The following TCF4 variants were observed in gnomAD, a reference collection of about 807,000 sequenced individuals.
TCF4 encodes transcription factor 4.
Under a neutral mutation model 82.1 loss-of-function variants are expected in TCF4, and 3 were observed. The ratio of observed to expected loss-of-function variants is 0.04; its 90% CI spans 0.02 to 0.09. TCF4 has a LOEUF of 0.09. Among genes scored for constraint, TCF4 ranks in the 10% least tolerant of loss-of-function variants. The probability of loss-of-function intolerance (pLI) is 1.00; values close to 1 mark genes in which losing one functional copy is unlikely to be tolerated. For synonymous variants in TCF4, 276 were observed against 309.6 expected, an observed-to-expected ratio of 0.89 and a Z score of 1.14; for missense variants, 518 against 852.7, an observed-to-expected ratio of 0.61 and a Z score of 4.89.
At chr18:55,489,323 TC>T (rs2096551068) in intron 3 of TCF4, among the ~76,000 whole-genome samples, 1 of 152,126 alleles carries the variant, frequency 6.6e-6, no homozygotes, top group South Asian at 2.1e-4. Context: ...CCCCTTGACC[TC>T]CCCACATACT....
Position 55,228,709 on chromosome 18 carries a change from G to C in TCF4, c.1879+138C>G. On this transcript the variant is annotated intron_variant, in intron 18 of 19. Transcript: ENST00000354452. ...ATGCTGCCTTATGGATTTAGACACA[G>C]TCTGCAATGGAAACAATTCTTTGGA... 3 of 918,896 alleles carry C rather than the reference G, an allele frequency of 3.3e-6. No homozygotes were observed. The South Asian group carries it at 4.3e-5, about 13-fold the overall frequency. The allele number at this position is 918,896 out of a possible 1,614,324, so 56.9% of individuals were successfully genotyped here.
At chr18:55,350,846 C>T in intron 7 of TCF4, 28 bp downstream of exon 7, 1 of 1,612,836 alleles carries the variant, frequency 6.2e-7, no homozygotes, top group Non-Finnish European at 8.5e-7. Flanking sequence ...AATCATCCCT[C>T]AGGCATTCAA....
At chr18:55,257,262 G>GA in intron 14 of TCF4, 53 bp downstream of exon 14, 1 of 1,568,294 alleles carries the variant, frequency 6.4e-7, no homozygotes, top group Non-Finnish European at 8.8e-7. Flanking sequence ...GACTGAACAA[G>GA]AAAGAACATG....
chr18:55,588,295 G>A, upstream of TCF4: 1 of 1,449,210 alleles, frequency 6.9e-7, no homozygotes, highest in East Asian at 2.5e-5. Flanking sequence ...GAGGCGCACG[G>A]AATTGCAAGT....
At chr18:55,272,298 C>A (rs1022360810) in intron 10 of TCF4, among the ~76,000 whole-genome samples, 3 of 152,194 alleles carry the variant, frequency 2.0e-5, no homozygotes, top group African/African-American at 7.2e-5. Flanking sequence ...TAAAAACTAT[C>A]TTGAAAACTA....
intron 6 of TCF4, among the ~76,000 whole-genome samples, chr18:55,383,678 C>T (rs1428722372): frequency 6.6e-6 from 1 of 152,228 alleles, no homozygotes; most frequent in Non-Finnish European, 1.5e-5. Context: ...AGGCAGTCCA[C>T]GTTACTACGG....
intron 8 of TCF4, chr18:55,322,118 T>TTG: frequency 9.4e-7 from 1 of 1,068,742 alleles, no homozygotes; most frequent in East Asian, 4.9e-5. Flanking sequence ...TTTTTTTTTT[T>TTG]TTTTGTTTTG....
intron 4 of TCF4, among the ~76,000 whole-genome samples, chr18:55,463,634 T>C (rs2095923054): frequency 6.6e-6 from 1 of 152,202 alleles, no homozygotes; most frequent in South Asian, 2.1e-4. Flanking sequence ...GGATAGAACT[T>C]CATAGTGTAT....
chr18:55,446,001 T>A (rs2095518414), intron 5 of TCF4, among the ~76,000 whole-genome samples: 1 of 152,200 alleles, frequency 6.6e-6, no homozygotes, highest in Admixed American at 6.5e-5. Context: ...TGAGTAGATG[T>A]CTGCTAGAGG....
intron 8 of TCF4, among the ~76,000 whole-genome samples, chr18:55,350,107 CA>C (rs887689150): frequency 1.3e-5 from 2 of 152,196 alleles, no homozygotes; most frequent in African/African-American, 4.8e-5. Context: ...AAACTTCAGG[CA>C]CCTTTTCAAG....
rs759654604 is a variant in TCF4 at position 55,464,076 on chromosome 18, C to T, written c.207G>A (p.Arg69=). Residue 69 remains arginine (R), a splice_region_variant and synonymous_variant, in exon 4 of 20, where the codon AGG becomes AGA. Coordinates refer to ENST00000354452, the MANE Select transcript of TCF4 (RefSeq NM_001083962.2). ...WGNGGHPSPS[R]NYGDGTPYDH... ...GGGAGAAAAGATTAGATATACTTAC[C>T]CTGGACGGGCTTGGATGTCCTCCAT... 1.1e-5 allele frequency: 17 copies of T among 1,613,122 alleles called. No individual in the cohort carries two copies. The highest frequency in any genetic ancestry group is 1.4e-5 in the Non-Finnish European group (16 of 1,179,570).
At chr18:55,404,029 C>T (rs1256150997) in intron 5 of TCF4, 4 of 1,182,032 alleles carry the variant, frequency 3.4e-6, no homozygotes, top group Non-Finnish European at 4.2e-6. Flanking sequence ...AACTCCCTTT[C>T]CCAGGAGTGA....
At chr18:55,500,587 GCTCT>G (rs2096687000) in intron 3 of TCF4, among the ~76,000 whole-genome samples, 1 of 152,014 alleles carries the variant, frequency 6.6e-6, no homozygotes, top group African/African-American at 2.4e-5. Flanking sequence ...TTTTTTCATA[GCTCT>G]CTATTAAACA....
rs34773632 is a variant in TCF4 at position 55,246,232 on chromosome 18, CGTGTGTGTGT to C, written c.1350+8255_1350+8264del. Among the ~76,000 whole-genome samples the C allele has an allele frequency of 1.7e-3, 255 of 147,754 alleles. 4 individuals are homozygous for C. In the East Asian group the frequency reaches 0.04, roughly 23 times the overall value. On this transcript the variant is annotated intron_variant, in intron 15 of 19. Transcript: ENST00000354452. Reference sequence around the variant, plus strand: ...GGTTATAGGGTCTATTTTAAATACACGTGTGTGTGTGTGTGTGTGTGTGTGTGTGTATCTT... The same window carrying C: ...GGTTATAGGGTCTATTTTAAATACACGTGTGTGTGTGTGTGTGTGTATCTT...
chr18:55,330,743 A>G (rs1346980451), intron 8 of TCF4, among the ~76,000 whole-genome samples: 1 of 150,398 alleles, frequency 6.6e-6, no homozygotes, highest in Non-Finnish European at 1.5e-5. Flanking sequence ...TAATTTTTGT[A>G]TTTTTAGTAG....
chr18:55,428,098 C>A (rs1362795969), intron 5 of TCF4, among the ~76,000 whole-genome samples: 1 of 152,090 alleles, frequency 6.6e-6, no homozygotes, highest in African/African-American at 2.4e-5. Flanking sequence ...ATGATTCCAC[C>A]AAGAAAACTC....
chr18:55,531,505 A>G (rs1224513874), intron 3 of TCF4, among the ~76,000 whole-genome samples: 2 of 152,226 alleles, frequency 1.3e-5, no homozygotes, highest in Non-Finnish European at 2.9e-5. Context: ...CACTGTATAT[A>G]TATAAACACA....
chr18:55,377,158 T>A (rs2090970249), intron 6 of TCF4, among the ~76,000 whole-genome samples: 1 of 152,228 alleles, frequency 6.6e-6, no homozygotes, highest in South Asian at 2.1e-4. Context: ...TCAAAGCGTC[T>A]GATTCACTTG....
chr18:55,385,388 C>G (rs2092497123), intron 6 of TCF4, among the ~76,000 whole-genome samples: 1 of 152,160 alleles, frequency 6.6e-6, no homozygotes, highest in African/African-American at 2.4e-5. Flanking sequence ...AAAAGAAAAC[C>G]TCCAAATGTT....
Sources: gnomAD v4.1 joint callset for allele counts (sites outside exome capture counted in the v4.1 genomes callset) on GRCh38, gnomAD v4.1.1 for gene constraint, MANE v1.5 for transcripts, NCBI Gene and HGNC (gene_info 2026-07-23, HGNC 2026-07-21) for gene names.